The following CDKAL1 variants were observed in gnomAD, a reference collection of about 807,000 sequenced individuals.
The protein encoded by CDKAL1 is threonylcarbamoyladenosine tRNA methylthiotransferase.
CDKAL1 carries 32 observed loss-of-function variants against 68.2 expected under a neutral mutation model. That is an observed-to-expected ratio of 0.47 (90% CI 0.35 to 0.63). The LOEUF (loss-of-function observed/expected upper bound fraction) is 0.63. Ranked by LOEUF, CDKAL1 falls within the 30% of genes least tolerant of loss-of-function variation. CDKAL1 has a pLI of 0.00. For missense variants in CDKAL1, 606 were observed against 696.7 expected, an observed-to-expected ratio of 0.87 and a Z score of 1.47; for synonymous variants, 234 against 244.3, an observed-to-expected ratio of 0.96 and a Z score of 0.39.
intron 10 of CDKAL1, among the ~76,000 whole-genome samples, chr6:20,985,792 G>T (rs1766420841): frequency 6.6e-6 from 1 of 150,936 alleles, no homozygotes; most frequent in Non-Finnish European, 1.5e-5. Flanking sequence ...GATGGAGTGA[G>T]ACCCTGCCTC....
At chr6:21,197,018 C>T (rs527571574) in intron 13 of CDKAL1, among the ~76,000 whole-genome samples, 1 of 152,170 alleles carries the variant, frequency 6.6e-6, no homozygotes, top group East Asian at 1.9e-4. Flanking sequence ...ATTAGCCGGG[C>T]ATAGTGGCGC....
At chr6:20,589,549 G>A (rs113414521) in intron 4 of CDKAL1, among the ~76,000 whole-genome samples, 3 of 152,280 alleles carry the variant, frequency 2.0e-5, no homozygotes, top group African/African-American at 4.8e-5. Flanking sequence ...CTCAGGGAAC[G>A]TTCCAGGATC....
At chr6:21,093,863 G>T in intron 12 of CDKAL1, among the ~76,000 whole-genome samples, 1 of 149,934 alleles carries the variant, frequency 6.7e-6, no homozygotes, top group African/African-American at 2.5e-5. Context: ...TGAGTAGCTG[G>T]GTGTGACGGT....
chr6:21,045,218 C>T (rs1043321325), intron 11 of CDKAL1, among the ~76,000 whole-genome samples: 13 of 152,102 alleles, frequency 8.5e-5, no homozygotes, highest in Non-Finnish European at 1.8e-4. Flanking sequence ...TTAGCTAGAT[C>T]GGAATGATAT....
chr6:20,975,280 T>G (rs753152975), intron 10 of CDKAL1, among the ~76,000 whole-genome samples: 1 of 152,182 alleles, frequency 6.6e-6, no homozygotes, highest in African/African-American at 2.4e-5. Context: ...TTACTCAGAT[T>G]CAGTTTATGT....
chr6:20,981,070 C>T (rs1262036524), intron 10 of CDKAL1, among the ~76,000 whole-genome samples: 1 of 152,096 alleles, frequency 6.6e-6, no homozygotes, highest in Non-Finnish European at 1.5e-5. Context: ...TGGATGAGGG[C>T]AAGAAATTCA....
At chr6:20,887,394 C>T (rs1204347654) in intron 9 of CDKAL1, among the ~76,000 whole-genome samples, 2 of 151,970 alleles carry the variant, frequency 1.3e-5, no homozygotes, top group African/African-American at 4.8e-5. Flanking sequence ...TTAGTCGTAA[C>T]CACCAAAAAT....
chr6:20,582,579 A>G (rs1765183360), intron 4 of CDKAL1, among the ~76,000 whole-genome samples: 1 of 151,922 alleles, frequency 6.6e-6, no homozygotes. Context: ...GTTCCATTTG[A>G]ATTGTCTGAA....
At chr6:20,771,617 T>C (rs1252532300) in intron 7 of CDKAL1, among the ~76,000 whole-genome samples, 10 of 152,208 alleles carry the variant, frequency 6.6e-5, no homozygotes, top group Admixed American at 6.5e-4. Context: ...AAATCTCATT[T>C]TGAAATGTGA....
At chr6:20,783,570 C>G (rs1173564303) in intron 8 of CDKAL1, among the ~76,000 whole-genome samples, 1 of 152,152 alleles carries the variant, frequency 6.6e-6, no homozygotes, top group Non-Finnish European at 1.5e-5. Flanking sequence ...TCTGTCCTTC[C>G]CCGTTCACCT....
At chr6:20,639,760 T>C (rs1332516121) in intron 4 of CDKAL1, among the ~76,000 whole-genome samples, 1 of 152,214 alleles carries the variant, frequency 6.6e-6, no homozygotes, top group African/African-American at 2.4e-5. Context: ...AACCTCCGCC[T>C]CCCATGTTCA....
At chr6:20,666,024 A>T (rs770474757) in intron 5 of CDKAL1, among the ~76,000 whole-genome samples, 4 of 152,126 alleles carry the variant, frequency 2.6e-5, no homozygotes, top group Non-Finnish European at 4.4e-5. Context: ...TATGGCCTGA[A>T]GCACACAAAA....
chr6:21,057,988 C>T (rs770962046), intron 11 of CDKAL1, among the ~76,000 whole-genome samples: 5 of 152,124 alleles, frequency 3.3e-5, no homozygotes, highest in African/African-American at 9.7e-5. Flanking sequence ...TGTATATTCT[C>T]GTGTTTTTGT....
At chr6:21,058,795 C>G (rs555701603) in intron 11 of CDKAL1, among the ~76,000 whole-genome samples, 2 of 152,326 alleles carry the variant, frequency 1.3e-5, no homozygotes, top group African/African-American at 4.8e-5. Context: ...TCTTGGACCT[C>G]TTTTCCAGAG....
chr6:21,076,281 A>AATC (rs1295567765), intron 12 of CDKAL1, among the ~76,000 whole-genome samples: 1 of 152,198 alleles, frequency 6.6e-6, no homozygotes, highest in African/African-American at 2.4e-5. Context: ...AATATTCTTA[A>AATC]ATCATATATA....
At chr6:20,710,549 C>T (rs1205452056) in intron 5 of CDKAL1, among the ~76,000 whole-genome samples, 2 of 152,116 alleles carry the variant, frequency 1.3e-5, no homozygotes, top group South Asian at 2.1e-4. Flanking sequence ...CATTAAGTGA[C>T]GAATGACTGT....
At chr6:20,628,392 G>A (rs1210631032) in intron 4 of CDKAL1, among the ~76,000 whole-genome samples, 1 of 152,090 alleles carries the variant, frequency 6.6e-6, no homozygotes, top group Non-Finnish European at 1.5e-5. Flanking sequence ...AGTAGTATGT[G>A]AATTAGAATG....
At position 20,667,793 on chromosome 6, in the gene CDKAL1, C is replaced by T. The variant is rs780055868; in HGVS notation, c.371+18416C>T. Among the ~76,000 whole-genome samples, 7 of 152,062 alleles carry T rather than the reference C, an allele frequency of 4.6e-5. No homozygotes were observed. The East Asian group carries it at 1.2e-3, about 25-fold the overall frequency. ...ATTTTAAATCATTTTAGACTAATAG[C>T]AAAATTGTAAAAATAGTACACTGAA... is the stretch of plus-strand genomic sequence containing the variant. On this transcript the variant is annotated intron_variant, in intron 5 of 15. Coordinates refer to ENST00000274695, the MANE Select transcript of CDKAL1 (RefSeq NM_017774.3).
chr6:20,743,205 T>G (rs1219140817), intron 6 of CDKAL1, among the ~76,000 whole-genome samples: 1 of 152,156 alleles, frequency 6.6e-6, no homozygotes, highest in Non-Finnish European at 1.5e-5. Context: ...TGCTATTCCT[T>G]CACAAAATTT....
Sources: gnomAD v4.1 joint callset for allele counts (sites outside exome capture counted in the v4.1 genomes callset) on GRCh38, gnomAD v4.1.1 for gene constraint, MANE v1.5 for transcripts, NCBI Gene and HGNC (gene_info 2026-07-23, HGNC 2026-07-21) for gene names.